TAF2: variants seen among roughly 807,000 people sequenced by gnomAD.
The protein encoded by TAF2 is transcription initiation factor TFIID subunit 2.
Under a neutral mutation model 138.5 loss-of-function variants are expected in TAF2, and 61 were observed. That is an observed-to-expected ratio of 0.44 (90% confidence interval 0.36 to 0.54). The LOEUF (loss-of-function observed/expected upper bound fraction) is 0.54. Among genes scored for constraint, TAF2 ranks in the 20% least tolerant of loss-of-function variants. The probability of loss-of-function intolerance (pLI) is 0.00; values close to 1 mark genes in which losing one functional copy is unlikely to be tolerated. For missense variants in TAF2, 1,090 were observed against 1,427.9 expected, an observed-to-expected ratio of 0.76 and a Z score of 3.81; for synonymous variants, 475 against 469.9, an observed-to-expected ratio of 1.01 and a Z score of -0.14.
Position 119,740,914 on chromosome 8 carries a change from A to C in TAF2, c.3337+1620T>G, listed in dbSNP as rs543673601. Among the ~76,000 whole-genome samples the C allele has an allele frequency of 1.2e-4, 18 of 152,308 alleles. No individual in the cohort carries two copies. In the South Asian group the frequency reaches 1.7e-3, roughly 14 times the overall value. ...TACAGTCACATTAAAGAATATATTC[A>C]AAGTTAAGATTACTAGATCAGTCCA... is the stretch of plus-strand genomic sequence containing the variant. On this transcript the variant is annotated intron_variant, in intron 25 of 25. Transcript: ENST00000378164.
chr8:119,779,446 T>C (rs954169695), intron 17 of TAF2, among the ~76,000 whole-genome samples: 10 of 152,188 alleles, frequency 6.6e-5, no homozygotes, highest in African/African-American at 2.4e-4. Flanking sequence ...AACACTGACC[T>C]AAGCTACATG....
chr8:119,788,288 G>A lies in TAF2; in HGVS notation c.1793+50C>T, dbSNP rs878891512. 3 of 1,505,916 alleles carry A rather than the reference G, an allele frequency of 2.0e-6. No homozygotes were observed. The South Asian group carries it at 3.4e-5, about 17-fold the overall frequency. 93.3% of individuals were successfully genotyped at this position (1,505,916 alleles called of 1,614,324 possible). The stretch of plus-strand genomic sequence containing the variant: ...AATTTTTATTTTGGCATTTTAGTCT[G>A]TGAGATTTGTAGTTTAACTTTCAAT... On this transcript the variant is annotated intron_variant, in intron 14 of 25. Transcript: ENST00000378164.
At chr8:119,781,293 G>A in intron 16 of TAF2, 100 bp from the exon 17 acceptor site, 1 of 1,328,178 alleles carries the variant, frequency 7.5e-7, no homozygotes, top group South Asian at 1.3e-5. Context: ...AACTGGATTG[G>A]GTTTTCAACA....
intron 1 of TAF2, 102 bp downstream of exon 1, chr8:119,832,380 C>CACTAGTTTCCCG: frequency 1.9e-6 from 2 of 1,053,996 alleles, no homozygotes; most frequent in Admixed American, 3.9e-5. Context: ...TCTAGTTTCC[C>CACTAGTTTCCCG]ACTAGGTTTC....
intron 22 of TAF2, among the ~76,000 whole-genome samples, chr8:119,749,053 G>A (rs1820172150): frequency 6.6e-6 from 1 of 152,110 alleles, no homozygotes; most frequent in Admixed American, 6.6e-5. Context: ...GTATGCTGTC[G>A]ATGATCTCAA....
chr8:119,779,429 A>C (rs1177239502), intron 17 of TAF2, among the ~76,000 whole-genome samples: 1 of 152,204 alleles, frequency 6.6e-6, no homozygotes, highest in Non-Finnish European at 1.5e-5. Flanking sequence ...TCATAACTCC[A>C]ATTTGAAACA....
rs544202429 is a variant in TAF2 at position 119,786,783 on chromosome 8, G to T, written c.1794-1517C>A. On this transcript the variant is annotated intron_variant, in intron 14 of 25. Transcript: ENST00000378164. ...CTAAAAATACAAAAAGTAGCGGGGCGTGGTGGCAGGCACCTGTAATCCCTG... is the reference window on the plus strand; with the variant it reads ...CTAAAAATACAAAAAGTAGCGGGGCTTGGTGGCAGGCACCTGTAATCCCTG... Among the ~76,000 whole-genome samples, 355 of 152,212 alleles carry T rather than the reference G, an allele frequency of 2.3e-3. 1 individual carries two copies. Among genetic ancestry groups the T allele is most frequent in the African/African-American group, 8.2e-3 (339 of 41,536 alleles).
At chr8:119,757,302 C>T (rs1820764994) in intron 21 of TAF2, among the ~76,000 whole-genome samples, 1 of 152,010 alleles carries the variant, frequency 6.6e-6, no homozygotes, top group South Asian at 2.1e-4. Context: ...ATGCAATTTA[C>T]AGATATGTAA....
chr8:119,740,012 T>G (rs1209849558), intron 25 of TAF2, among the ~76,000 whole-genome samples: 1 of 152,104 alleles, frequency 6.6e-6, no homozygotes, highest in African/African-American at 2.4e-5. Flanking sequence ...ATTTGTGATC[T>G]CTAATCTAGA....
At chr8:119,806,522 G>T (rs35019302) in intron 3 of TAF2, 121 bp from the exon 4 acceptor site, 419,604 of 740,802 alleles carry the variant, frequency 0.57, 121,756 homozygotes, top group Middle Eastern at 0.67. Context: ...CAGGCCAGAG[G>T]TCAGTGGCAC....
chr8:119,747,641 G>A (rs1820068678), intron 22 of TAF2, among the ~76,000 whole-genome samples: 1 of 152,096 alleles, frequency 6.6e-6, no homozygotes, highest in Non-Finnish European at 1.5e-5. Flanking sequence ...TGATACCAGG[G>A]TTTTCCCGCC....
At chr8:119,767,388 G>C (rs1463467819) in intron 18 of TAF2, among the ~76,000 whole-genome samples, 3 of 152,212 alleles carry the variant, frequency 2.0e-5, no homozygotes, top group Non-Finnish European at 4.4e-5. Flanking sequence ...CTGAACCAGG[G>C]CAAGTGTGGA....
At chr8:119,798,147 A>C (rs1233062699) in intron 6 of TAF2, among the ~76,000 whole-genome samples, 1 of 152,178 alleles carries the variant, frequency 6.6e-6, no homozygotes, top group Non-Finnish European at 1.5e-5. Flanking sequence ...ACACATAATA[A>C]GACTTAAATT....
intron 6 of TAF2, among the ~76,000 whole-genome samples, chr8:119,799,643 T>G (rs548345708): frequency 3.7e-4 from 56 of 152,358 alleles, no homozygotes; most frequent in African/African-American, 1.3e-3. Flanking sequence ...GCAGCATGAT[T>G]TATAATCCTT....
rs1265751810 is a variant in TAF2 at position 119,789,591 on chromosome 8, C to T, written c.1568+1G>A. Reference sequence around the variant, plus strand: ...TGTTGAACTGCTATTGAAAAGGATACACCCACTGCTTTATTAACGGCTGAA... The same window carrying T: ...TGTTGAACTGCTATTGAAAAGGATATACCCACTGCTTTATTAACGGCTGAA... On this transcript the variant is annotated splice_donor_variant, in intron 12 of 25. Coordinates refer to ENST00000378164, the MANE Select transcript of TAF2 (RefSeq NM_003184.4). LOFTEE classifies it high-confidence loss of function. 1 of 1,613,334 alleles carries T rather than the reference C, an allele frequency of 6.2e-7. No homozygotes were observed. The highest frequency in any genetic ancestry group is 8.5e-7 in the Non-Finnish European group (1 of 1,179,828).
At chr8:119,758,927 C>T (rs1409539402) in intron 20 of TAF2, among the ~76,000 whole-genome samples, 1 of 152,084 alleles carries the variant, frequency 6.6e-6, no homozygotes, top group Non-Finnish European at 1.5e-5. Context: ...TGAAGTGTCA[C>T]AATTAAATTA....
At chr8:119,775,019 A>G (rs904536284) in intron 18 of TAF2, among the ~76,000 whole-genome samples, 2 of 151,872 alleles carry the variant, frequency 1.3e-5, no homozygotes, top group African/African-American at 4.8e-5. Flanking sequence ...GGTGGCTCAC[A>G]CCTGTAATAT....
At chr8:119,767,984 C>A (rs985946124) in intron 18 of TAF2, among the ~76,000 whole-genome samples, 2 of 152,198 alleles carry the variant, frequency 1.3e-5, no homozygotes, top group Non-Finnish European at 2.9e-5. Flanking sequence ...GTTTGCATGT[C>A]CCCAACAGCG....
chr8:119,757,106 A>T lies in TAF2; in HGVS notation c.2768+967T>A, dbSNP rs561698319. The stretch of plus-strand genomic sequence containing the variant: ...ATTAAATTGGATTTGTAATTGAGAA[A>T]GAGATGGGAGAAAAGTGAAACTGCT... On this transcript the variant is annotated intron_variant, in intron 21 of 25. Transcript: ENST00000378164. Among the ~76,000 whole-genome samples, 4 of 152,332 alleles carry T rather than the reference A, an allele frequency of 2.6e-5. No homozygotes were observed. In the East Asian group the frequency reaches 7.7e-4, roughly 29 times the overall value.
Sources: allele counts gnomAD v4.1 joint callset (sites outside exome capture counted in the v4.1 genomes callset), GRCh38; gene constraint gnomAD v4.1.1; transcripts MANE v1.5; gene names NCBI Gene and HGNC (gene_info 2026-07-23, HGNC 2026-07-21).